Variants in RAB3IL1 observed in about 807,000 individuals in gnomAD.
The protein encoded by RAB3IL1 is guanine nucleotide exchange factor for Rab-3A.
A neutral mutation model predicts 49.2 loss-of-function variants in RAB3IL1; 37 were observed. That is an observed-to-expected ratio of 0.75 (90% CI 0.58 to 0.99). RAB3IL1 has a LOEUF of 0.99. RAB3IL1 is among the 50% of genes least tolerant of loss of function. The pLI, the probability that RAB3IL1 is intolerant of heterozygous loss-of-function variation, is 0.00. For missense variants in RAB3IL1, 484 were observed against 513.0 expected, an observed-to-expected ratio of 0.94 and a Z score of 0.55; for synonymous variants, 193 against 213.9, an observed-to-expected ratio of 0.90 and a Z score of 0.85.
At position 61,907,480 on chromosome 11, in the gene RAB3IL1, A is replaced by G; in HGVS notation, c.361-10T>C. The G allele has an allele frequency of 6.2e-7, 1 of 1,614,196 alleles. No individual in the cohort carries two copies. On this transcript the variant is annotated splice_polypyrimidine_tract_variant and intron_variant, in intron 3 of 9. Transcript: ENST00000394836. ...CCATCTTGTGAGCTTCCTAGGAAGA[A>G]GGCAGTCCCTGCGTGAGTGGTGAGG...
the RAB3IL1 span, among the ~76,000 whole-genome samples, chr11:61,941,490 C>T: frequency 1.3e-5 from 2 of 152,086 alleles, no homozygotes; most frequent in East Asian, 1.9e-4. Context: ...TGGTGGCTCA[C>T]GCCTGTAATC....
chr11:61,914,002 C>G (rs977347935), intron 1 of RAB3IL1, among the ~76,000 whole-genome samples: 8 of 152,168 alleles, frequency 5.3e-5, no homozygotes, highest in African/African-American at 1.9e-4. Context: ...AGTTAGATCA[C>G]GGAGGGCTTC....
At chr11:61,902,666 C>G in intron 7 of RAB3IL1, 125 bp from the exon 8 acceptor site, 2 of 875,888 alleles carry the variant, frequency 2.3e-6, no homozygotes, top group Non-Finnish European at 3.5e-6. Flanking sequence ...CCTTCCCCCA[C>G]CCGGCTTCCA....
At chr11:61,901,210 G>C (rs149417488) in intron 8 of RAB3IL1, among the ~76,000 whole-genome samples, 4 of 152,336 alleles carry the variant, frequency 2.6e-5, no homozygotes, top group African/African-American at 9.6e-5. Context: ...TCCTCAAGCT[G>C]TGTCACTGGA....
At chr11:61,912,263 G>A (rs1939485835) in intron 1 of RAB3IL1, among the ~76,000 whole-genome samples, 1 of 152,206 alleles carries the variant, frequency 6.6e-6, no homozygotes, top group Admixed American at 6.5e-5. Context: ...TCCCCGGGGC[G>A]GTGCCTTGGC....
the RAB3IL1 span, among the ~76,000 whole-genome samples, chr11:61,944,845 G>A: frequency 6.6e-6 from 1 of 152,158 alleles, no homozygotes; most frequent in South Asian, 2.1e-4. Flanking sequence ...TTACAGGCAT[G>A]CGCCACCATG....
chr11:61,945,869 C>T, the RAB3IL1 span: 2 of 937,304 alleles, frequency 2.1e-6, no homozygotes, highest in Non-Finnish European at 2.5e-6. Context: ...TGGTCTATTC[C>T]ATGCTATTCC....
upstream of RAB3IL1, among the ~76,000 whole-genome samples, chr11:61,921,913 G>A (rs1400835320): frequency 2.0e-5 from 3 of 152,164 alleles, no homozygotes; most frequent in Non-Finnish European, 4.4e-5. Flanking sequence ...TTGTGGCCAG[G>A]TGCGGTGGCT....
chr11:61,926,681 G>A, the RAB3IL1 span, among the ~76,000 whole-genome samples: 1 of 152,224 alleles, frequency 6.6e-6, no homozygotes, highest in South Asian at 2.1e-4. Context: ...AGCCTCCAGA[G>A]TAGCTGGGAT....
chr11:61,931,827 T>C, the RAB3IL1 span, among the ~76,000 whole-genome samples: 1 of 151,788 alleles, frequency 6.6e-6, no homozygotes, highest in East Asian at 1.9e-4. Context: ...ATGAAAACAA[T>C]GAGTAAGGTT....
intron 1 of RAB3IL1, 71 bp from the exon 2 acceptor site, chr11:61,908,377 C>T (rs1303634032): frequency 2.6e-5 from 34 of 1,332,014 alleles, no homozygotes; most frequent in Middle Eastern, 5.6e-4. Context: ...GTCCAGAAAC[C>T]GCCCCGGGGC....
the RAB3IL1 span, among the ~76,000 whole-genome samples, chr11:61,944,059 T>A: frequency 2.0e-5 from 3 of 152,030 alleles, no homozygotes; most frequent in Non-Finnish European, 4.4e-5. Flanking sequence ...CATACATGAA[T>A]CTTCCTCCCC....
upstream of RAB3IL1, among the ~76,000 whole-genome samples, chr11:61,922,836 C>T (rs951047167): frequency 3.3e-5 from 5 of 152,248 alleles, no homozygotes; most frequent in Admixed American, 1.3e-4. Flanking sequence ...TGCTCCCACC[C>T]GCTTCCTGTT....
upstream of RAB3IL1, chr11:61,920,385 T>G: frequency 2.9e-6 from 2 of 684,894 alleles, no homozygotes; most frequent in Non-Finnish European, 4.1e-6. Flanking sequence ...CTCCTGTGGC[T>G]CCTCAGGCAG....
At chr11:61,944,947 C>A in the RAB3IL1 span, among the ~76,000 whole-genome samples, 1 of 152,146 alleles carries the variant, frequency 6.6e-6, no homozygotes, top group East Asian at 1.9e-4. Context: ...GTGATTCACC[C>A]GCCTCAGCCT....
At chr11:61,923,345 G>A (rs746875509), upstream of RAB3IL1, among the ~76,000 whole-genome samples, 4 of 152,172 alleles carry the variant, frequency 2.6e-5, no homozygotes, top group Non-Finnish European at 1.5e-5. Context: ...AGTAAAAGCC[G>A]CTGCCTGAAG....
chr11:61,910,423 A>C (rs1026336019), intron 1 of RAB3IL1, among the ~76,000 whole-genome samples: 1 of 152,204 alleles, frequency 6.6e-6, no homozygotes, highest in African/African-American at 2.4e-5. Context: ...CAGAGAGAAC[A>C]GGCCAGATGG....
the RAB3IL1 span, among the ~76,000 whole-genome samples, chr11:61,926,007 T>G: frequency 1.3e-5 from 2 of 148,880 alleles, no homozygotes; most frequent in African/African-American, 2.5e-5. Flanking sequence ...AGGGAAAGAC[T>G]TTCTAAACTT....
chr11:61,946,241 C>A, the RAB3IL1 span, among the ~76,000 whole-genome samples: 1 of 152,178 alleles, frequency 6.6e-6, no homozygotes, highest in Non-Finnish European at 1.5e-5. Context: ...GGCTGACTTA[C>A]CCCGGGGCCC....
Sources: gnomAD v4.1 joint callset for allele counts (sites outside exome capture counted in the v4.1 genomes callset) on GRCh38, gnomAD v4.1.1 for gene constraint, MANE v1.5 for transcripts, NCBI Gene and HGNC (gene_info 2026-07-23, HGNC 2026-07-21) for gene names.